The following ZNF385B variants were observed in gnomAD, a reference collection of about 807,000 sequenced individuals.
ZNF385B encodes zinc finger protein 533.
ZNF385B carries 23 observed loss-of-function variants against 39.2 expected under a neutral mutation model. The observed-to-expected ratio is 0.59, with a 90% CI of 0.42 to 0.83. The LOEUF is 0.83. Among genes scored for constraint, ZNF385B ranks in the 40% least tolerant of loss-of-function variants. The pLI, the probability that ZNF385B is intolerant of heterozygous loss-of-function variation, is 0.00. For missense variants in ZNF385B, 552 were observed against 598.9 expected (o/e 0.92, Z 0.82); for synonymous variants, 205 against 222.6 (o/e 0.92, Z 0.70).
intron 3 of ZNF385B, among the ~76,000 whole-genome samples, chr2:179,644,428 A>T (rs1692534992): frequency 6.6e-6 from 1 of 152,214 alleles, no homozygotes; most frequent in Non-Finnish European, 1.5e-5. Flanking sequence ...CAGCCACTGT[A>T]CAAAACATGC....
At chr2:179,747,388 C>T (rs1702443936) in intron 3 of ZNF385B, among the ~76,000 whole-genome samples, 1 of 152,060 alleles carries the variant, frequency 6.6e-6, no homozygotes, top group Admixed American at 6.6e-5. Context: ...AACACAATTG[C>T]CCCTCACAGT....
chr2:179,558,338 T>G (rs188878706), intron 3 of ZNF385B, among the ~76,000 whole-genome samples: 1 of 152,282 alleles, frequency 6.6e-6, no homozygotes, highest in African/African-American at 2.4e-5. Flanking sequence ...GAATTTCAAT[T>G]CCTGCTTTCA....
At chr2:179,630,136 T>C (rs1691059251) in intron 3 of ZNF385B, among the ~76,000 whole-genome samples, 1 of 152,262 alleles carries the variant, frequency 6.6e-6, no homozygotes, top group African/African-American at 2.4e-5. Context: ...TAAATGTCCC[T>C]GTCTGACAGC....
chr2:179,625,465 TTTC>T (rs540455554), intron 3 of ZNF385B, among the ~76,000 whole-genome samples: 62 of 152,120 alleles, frequency 4.1e-4, no homozygotes, highest in African/African-American at 1.5e-3. Flanking sequence ...CAGCCATTAT[TTTC>T]TTATTTATTC....
chr2:179,677,600 A>AT (rs1697012536), intron 3 of ZNF385B, among the ~76,000 whole-genome samples: 1 of 152,232 alleles, frequency 6.6e-6, no homozygotes, highest in East Asian at 1.9e-4. Flanking sequence ...GCAAATAAAC[A>AT]TTTTTTATTT....
intron 1 of ZNF385B, among the ~76,000 whole-genome samples, chr2:179,836,751 C>T (rs1708275824): frequency 6.6e-6 from 1 of 151,942 alleles, no homozygotes; most frequent in Non-Finnish European, 1.5e-5. Flanking sequence ...ATCTCCTGAC[C>T]TCATGATCCA....
intron 5 of ZNF385B, among the ~76,000 whole-genome samples, chr2:179,495,616 G>A (rs113054720): frequency 6.6e-6 from 1 of 152,194 alleles, no homozygotes; most frequent in Non-Finnish European, 1.5e-5. Context: ...GGCCACACGG[G>A]TGCTTGTCAT....
At chr2:179,488,776 C>G (rs1342032720) in intron 5 of ZNF385B, among the ~76,000 whole-genome samples, 1 of 152,084 alleles carries the variant, frequency 6.6e-6, no homozygotes, top group African/African-American at 2.4e-5. Flanking sequence ...AGCTAATTTT[C>G]AGGAAAACCC....
intron 3 of ZNF385B, among the ~76,000 whole-genome samples, chr2:179,695,720 G>A (rs1365483707): frequency 1.3e-5 from 2 of 152,166 alleles, no homozygotes; most frequent in Non-Finnish European, 2.9e-5. Flanking sequence ...ATAGAGAATT[G>A]GAACCCTCAT....
At chr2:179,514,018 A>G (rs1197794903) in intron 5 of ZNF385B, 1 of 152,228 alleles carries the variant, frequency 6.6e-6, no homozygotes, top group East Asian at 1.9e-4. Flanking sequence ...AAACTACTGT[A>G]TTAGTTTTCT....
chr2:179,831,702 A>G (rs895064482), intron 1 of ZNF385B, among the ~76,000 whole-genome samples: 3 of 152,164 alleles, frequency 2.0e-5, no homozygotes, highest in African/African-American at 7.2e-5. Context: ...AAGAGAAGAA[A>G]GGAAAGTCAG....
rs190770098 is a variant in ZNF385B at position 179,459,100 on chromosome 2, A to G, written c.716-12330T>C. Among the ~76,000 whole-genome samples the G allele has an allele frequency of 6.6e-5, 10 of 152,332 alleles. No homozygotes were observed. In the East Asian group the frequency reaches 1.5e-3, roughly 24 times the overall value. ...AAGCTTCTTTTAAGAAAAATTTTGCATAGGTGTTTTCTCTGAATTTTCAGG... is the reference window on the plus strand; with the variant it reads ...AAGCTTCTTTTAAGAAAAATTTTGCGTAGGTGTTTTCTCTGAATTTTCAGG... On this transcript the variant is annotated intron_variant, in intron 6 of 9. Transcript: ENST00000410066.
At chr2:179,652,893 C>A (rs1197258364) in intron 3 of ZNF385B, among the ~76,000 whole-genome samples, 1 of 150,034 alleles carries the variant, frequency 6.7e-6, no homozygotes, top group African/African-American at 2.5e-5. Context: ...CTAGAAGAGT[C>A]TCTGAGTTCT....
At chr2:179,717,851 A>G (rs1054628738) in intron 3 of ZNF385B, among the ~76,000 whole-genome samples, 1 of 152,362 alleles carries the variant, frequency 6.6e-6, no homozygotes, top group African/African-American at 2.4e-5. Flanking sequence ...ATAGGACATC[A>G]TATATAATTT....
intron 4 of ZNF385B, among the ~76,000 whole-genome samples, chr2:179,528,054 G>C (rs1369147607): frequency 6.6e-6 from 1 of 152,038 alleles, no homozygotes; most frequent in Non-Finnish European, 1.5e-5. Flanking sequence ...TACATGTAAA[G>C]TCATACCAAA....
rs778228344 is a variant in ZNF385B, at chr2:179,728,882, T to C, written c.298+40621A>G. ...GATAAAAGATTAAGTCAGGAAACTA[T>C]TGAAAATTATTAAAAACTCAGGTAG... On this transcript the variant is annotated intron_variant, in intron 3 of 9. Transcript: ENST00000410066. Among the ~76,000 whole-genome samples, 26 of 152,214 alleles carry C rather than the reference T, an allele frequency of 1.7e-4. 1 individual carries two copies. Among genetic ancestry groups the C allele is most frequent in the South Asian group, 8.3e-4 (4 of 4,824 alleles).
intron 5 of ZNF385B, among the ~76,000 whole-genome samples, chr2:179,506,859 T>G (rs941291500): frequency 6.6e-6 from 1 of 152,184 alleles, no homozygotes; most frequent in African/African-American, 2.4e-5. Context: ...GGTATACCAC[T>G]GATAAAGTAA....
At chr2:179,469,348 G>A (rs1394033986) in intron 6 of ZNF385B, among the ~76,000 whole-genome samples, 2 of 152,160 alleles carry the variant, frequency 1.3e-5, no homozygotes, top group South Asian at 2.1e-4. Context: ...TTACAAATTC[G>A]TGTTGGATTG....
intron 5 of ZNF385B, among the ~76,000 whole-genome samples, chr2:179,489,215 G>C (rs993130699): frequency 2.0e-5 from 3 of 152,138 alleles, no homozygotes; most frequent in African/African-American, 7.2e-5. Context: ...ACTGAGTCCT[G>C]TGTATTATAC....
Sources: allele counts gnomAD v4.1 joint callset (sites outside exome capture counted in the v4.1 genomes callset), GRCh38; gene constraint gnomAD v4.1.1; transcripts MANE v1.5; gene names NCBI Gene and HGNC (gene_info 2026-07-23, HGNC 2026-07-21).